The following FRAS1 variants were observed in gnomAD, a reference collection of about 807,000 sequenced individuals.
FRAS1 encodes the protein extracellular matrix organizing protein FRAS1.
In FRAS1, 290 loss-of-function variants were observed where a neutral mutation model predicts 435.2. The ratio of observed to expected loss-of-function variants is 0.67; its 90% CI spans 0.61 to 0.73. The LOEUF (loss-of-function observed/expected upper bound fraction) is 0.73, where lower values mean the gene tolerates loss of function less well. FRAS1 is among the 30% of genes least tolerant of loss of function. The pLI is 0.00. For missense variants in FRAS1, 4,860 were observed against 5,001.5 expected (o/e 0.97, Z 0.85); for synonymous variants, 1,800 against 1,851.0 (o/e 0.97, Z 0.71).
intron 47 of FRAS1, 108 bp from the exon 48 acceptor site, chr4:78,463,913 A>C: frequency 8.0e-7 from 1 of 1,257,162 alleles, no homozygotes; most frequent in Non-Finnish European, 1.1e-6. Context: ...GCTATAAGAA[A>C]AATACAAAGG....
chr4:78,307,119 C>G (rs554412409), intron 14 of FRAS1, among the ~76,000 whole-genome samples: 7 of 152,108 alleles, frequency 4.6e-5, no homozygotes, highest in Non-Finnish European at 8.8e-5. Context: ...TTGGAGTACC[C>G]GGCACTGTGA....
At chr4:78,336,475 C>T (rs951755199) in intron 19 of FRAS1, among the ~76,000 whole-genome samples, 4 of 152,154 alleles carry the variant, frequency 2.6e-5, no homozygotes, top group African/African-American at 9.7e-5. Flanking sequence ...GCAGGGCACC[C>T]AGGTCACTGG....
intron 25 of FRAS1, 22 bp downstream of exon 25, chr4:78,374,273 A>G: frequency 6.4e-7 from 1 of 1,552,664 alleles, no homozygotes; most frequent in Non-Finnish European, 8.8e-7. Flanking sequence ...ACTGCTGATT[A>G]TTCTGGAAAG....
At chr4:78,243,443 G>A (rs148236870) in intron 3 of FRAS1, among the ~76,000 whole-genome samples, 9 of 152,172 alleles carry the variant, frequency 5.9e-5, no homozygotes, top group African/African-American at 2.2e-4. Context: ...GCCTGGAGAA[G>A]GACTCCTTTG....
At chr4:78,536,111 G>A (rs945619109) in intron 71 of FRAS1, among the ~76,000 whole-genome samples, 1 of 151,900 alleles carries the variant, frequency 6.6e-6, no homozygotes, top group Non-Finnish European at 1.5e-5. Context: ...CATGTAAAGA[G>A]CTTGGTGCCA....
chr4:78,470,757 A>C (rs568063929), intron 51 of FRAS1, among the ~76,000 whole-genome samples: 1 of 152,296 alleles, frequency 6.6e-6, no homozygotes, highest in South Asian at 2.1e-4. Context: ...TGGATTTTGT[A>C]ATCCTCAGAG....
At chr4:78,374,056 C>A in intron 24 of FRAS1, 55 bp from the exon 25 acceptor site, 1 of 1,513,374 alleles carries the variant, frequency 6.6e-7, no homozygotes, top group Non-Finnish European at 8.9e-7. Context: ...CCACAAAGGC[C>A]TGGAGCCCCT....
chr4:78,489,971 A>AAAAAC (rs1720294883), intron 59 of FRAS1, among the ~76,000 whole-genome samples: 2 of 140,998 alleles, frequency 1.4e-5, no homozygotes, highest in South Asian at 2.2e-4. Flanking sequence ...TGGAAAACAA[A>AAAAAC]AAAAAAAAAA....
intron 43 of FRAS1, among the ~76,000 whole-genome samples, chr4:78,447,468 T>C (rs1472989396): frequency 6.6e-6 from 1 of 151,850 alleles, no homozygotes; most frequent in Non-Finnish European, 1.5e-5. Context: ...ATTAAATTGT[T>C]GCAGTAGATG....
intron 9 of FRAS1, among the ~76,000 whole-genome samples, chr4:78,273,511 T>A (rs1192345000): frequency 6.6e-6 from 1 of 152,238 alleles, no homozygotes; most frequent in East Asian, 1.9e-4. Flanking sequence ...TTATTGAGAA[T>A]TTTTAGCATG....
intron 16 of FRAS1, among the ~76,000 whole-genome samples, chr4:78,316,500 C>G (rs1436735655): frequency 6.6e-6 from 1 of 152,138 alleles, no homozygotes; most frequent in East Asian, 1.9e-4. Flanking sequence ...TCCTCTGTGT[C>G]CTGCCCCCAC....
chr4:78,334,434 G>A (rs542567405), intron 19 of FRAS1, among the ~76,000 whole-genome samples: 4 of 129,668 alleles, frequency 3.1e-5, no homozygotes, highest in East Asian at 2.5e-4. Flanking sequence ...GCAGTGGCAC[G>A]ATCTCAGCTC....
chr4:78,275,737 C>A (rs2124144), intron 9 of FRAS1, among the ~76,000 whole-genome samples: 2 of 151,920 alleles, frequency 1.3e-5, no homozygotes, highest in East Asian at 1.9e-4. Context: ...TCTCTCTGAC[C>A]GCCCTTAACA....
intron 2 of FRAS1, among the ~76,000 whole-genome samples, chr4:78,113,997 A>AT (rs1275215003): frequency 1.3e-5 from 2 of 152,166 alleles, no homozygotes; most frequent in Non-Finnish European, 2.9e-5. Flanking sequence ...TCTTGAATTA[A>AT]TTTTTGTATA....
At chr4:78,401,774 C>T (rs888933765) in intron 30 of FRAS1, among the ~76,000 whole-genome samples, 6 of 137,022 alleles carry the variant, frequency 4.4e-5, no homozygotes, top group Admixed American at 1.5e-4. Context: ...CCTATTTTTC[C>T]GGTAAATCTC....
At chr4:78,143,250 T>C (rs972235013) in intron 2 of FRAS1, among the ~76,000 whole-genome samples, 4 of 152,170 alleles carry the variant, frequency 2.6e-5, no homozygotes, top group Non-Finnish European at 5.9e-5. Context: ...GAGTGGTATT[T>C]CATAATAATG....
At chr4:78,143,410 G>A (rs560391138) in intron 2 of FRAS1, among the ~76,000 whole-genome samples, 23 of 151,918 alleles carry the variant, frequency 1.5e-4, no homozygotes, top group African/African-American at 4.8e-4. Flanking sequence ...TATATTTCTC[G>A]GTTATTTATA....
At chr4:78,283,055 C>T (rs1378236) in intron 12 of FRAS1, 88 bp downstream of exon 12, 1,018,017 of 1,027,126 alleles carry the variant, frequency 0.99, 505,022 homozygotes, top group East Asian at 1. Context: ...TGCTTCTTTT[C>T]ATTTTTATTT....
At chr4:78,187,947 G>T (rs983768674) in intron 2 of FRAS1, among the ~76,000 whole-genome samples, 1 of 152,096 alleles carries the variant, frequency 6.6e-6, no homozygotes, top group Non-Finnish European at 1.5e-5. Context: ...GATTTTATGC[G>T]TCTGTTTCAG....
Sources: gnomAD v4.1 joint callset for allele counts (sites outside exome capture counted in the v4.1 genomes callset) on GRCh38, gnomAD v4.1.1 for gene constraint, MANE v1.5 for transcripts, NCBI Gene and HGNC (gene_info 2026-07-23, HGNC 2026-07-21) for gene names.